Variants in SOX6 observed in about 807,000 individuals in gnomAD.
SOX6 encodes transcription factor SOX-6.
Under a neutral mutation model 97.8 loss-of-function variants are expected in SOX6, and 11 were observed. The observed-to-expected ratio is 0.11, with a 90% CI of 0.07 to 0.19. The LOEUF (loss-of-function observed/expected upper bound fraction) is 0.19, where lower values mean the gene tolerates loss of function less well. Ranked by LOEUF, SOX6 falls within the 10% of genes least tolerant of loss-of-function variation. The pLI, the probability that SOX6 is intolerant of heterozygous loss-of-function variation, is 1.00. For missense variants in SOX6, 810 were observed against 1,039.5 expected (o/e 0.78, Z 3.04); for synonymous variants, 360 against 371.4 (o/e 0.97, Z 0.35).
At chr11:16,077,059 A>T (rs1362604155) in intron 9 of SOX6, among the ~76,000 whole-genome samples, 1 of 152,126 alleles carries the variant, frequency 6.6e-6, no homozygotes, top group African/African-American at 2.4e-5. Flanking sequence ...GGCCGGTACT[A>T]CACATTTTTA....
In SOX6 at chr11:16,426,281, A is replaced by C. The variant is rs1452943880; in HGVS notation, c.-5+50034T>G. On this transcript the variant is annotated intron_variant, in intron 1 of 15. Coordinates refer to the SOX6 transcript ENST00000396356. ...AAAAAAAAAAAAAAAAAAAAAAAAA[A>C]AAAAAAAAAAAAAAACCACTATTTT... Among the ~76,000 whole-genome samples the C allele has an allele frequency of 2.0e-5, 3 of 147,934 alleles. No individual in the cohort carries two copies. The East Asian group carries it at 5.9e-4, about 29-fold the overall frequency.
intron 6 of SOX6, among the ~76,000 whole-genome samples, chr11:16,119,225 T>A (rs1401865038): frequency 6.6e-6 from 1 of 152,186 alleles, no homozygotes; most frequent in Non-Finnish European, 1.5e-5. Context: ...GTCTTCTTAT[T>A]GCCAAAAAGT....
At chr11:16,736,836 T>C (rs1427936940) in intron 1 of SOX6, among the ~76,000 whole-genome samples, 2 of 152,220 alleles carry the variant, frequency 1.3e-5, no homozygotes, top group African/African-American at 4.8e-5. Flanking sequence ...TGTTTCTTTT[T>C]TTTCTCTTGG....
In SOX6 at chr11:16,592,489, C is replaced by T; in HGVS notation, n.609+19592G>A. ...ATCAAACATATTTACTTTTAAGATGCACTAGTAATATACATATTACTTAAA... is the reference window on the plus strand; with the variant it reads ...ATCAAACATATTTACTTTTAAGATGTACTAGTAATATACATATTACTTAAA... On this transcript the variant is annotated intron_variant and non_coding_transcript_variant, in intron 4 of 5. Coordinates refer to the SOX6 transcript ENST00000524520. Among the ~76,000 whole-genome samples the T allele has an allele frequency of 1.3e-5, 2 of 151,652 alleles. 1 individual carries two copies. The highest frequency in any genetic ancestry group is 2.9e-5 in the Non-Finnish European group (2 of 67,902).
At chr11:16,426,012 T>G (rs1292516844) in intron 1 of SOX6, among the ~76,000 whole-genome samples, 2 of 151,410 alleles carry the variant, frequency 1.3e-5, no homozygotes, top group East Asian at 3.9e-4. Flanking sequence ...ATCCCAGCAC[T>G]TTGGGAGGCC....
At chr11:16,447,134 AATC>A (rs1859627667) in intron 1 of SOX6, among the ~76,000 whole-genome samples, 1 of 152,046 alleles carries the variant, frequency 6.6e-6, no homozygotes, top group African/African-American at 2.4e-5. Flanking sequence ...AATATGCAAC[AATC>A]ATCATTAAAA....
chr11:16,448,857 T>G (rs1000050804), intron 1 of SOX6, among the ~76,000 whole-genome samples: 2 of 152,068 alleles, frequency 1.3e-5, no homozygotes, highest in African/African-American at 4.8e-5. Flanking sequence ...CATAGTAAGA[T>G]CCTGTCTTTA....
chr11:16,527,894 C>A (rs1404976405), intron 4 of SOX6, among the ~76,000 whole-genome samples: 1 of 152,046 alleles, frequency 6.6e-6, no homozygotes, highest in Admixed American at 6.6e-5. Flanking sequence ...CAGCAAAGCT[C>A]CAAAACACAA....
intron 6 of SOX6, among the ~76,000 whole-genome samples, chr11:16,181,540 T>C (rs1454475770): frequency 7.0e-6 from 1 of 142,880 alleles, no homozygotes; most frequent in African/African-American, 2.6e-5. Flanking sequence ...TTTGAAAATA[T>C]AGTTACCCTT....
chr11:16,270,615 T>C (rs921210543), intron 3 of SOX6, among the ~76,000 whole-genome samples: 3 of 147,670 alleles, frequency 2.0e-5, no homozygotes, highest in African/African-American at 5.0e-5. Context: ...CATCAATAGA[T>C]GAATGAACAA....
At chr11:16,359,662 T>A (rs1401809395), upstream of SOX6, among the ~76,000 whole-genome samples, 2 of 152,098 alleles carry the variant, frequency 1.3e-5, no homozygotes, top group Non-Finnish European at 2.9e-5. Flanking sequence ...TTTAAGTCTC[T>A]ACAAATGCCA....
At chr11:16,598,008 A>G (rs2133976003) in intron 4 of SOX6, among the ~76,000 whole-genome samples, 1 of 152,206 alleles carries the variant, frequency 6.6e-6, no homozygotes, top group East Asian at 1.9e-4. Flanking sequence ...AACTTCCCAA[A>G]GATTACATAG....
chr11:16,675,495 T>C (rs1042460835), intron 3 of SOX6, among the ~76,000 whole-genome samples: 2 of 152,186 alleles, frequency 1.3e-5, no homozygotes, highest in Admixed American at 6.5e-5. Flanking sequence ...TTTAAAAGTT[T>C]AGAAAAAAGA....
At chr11:16,042,569 C>T (rs1432372520) in intron 12 of SOX6, among the ~76,000 whole-genome samples, 1 of 152,124 alleles carries the variant, frequency 6.6e-6, no homozygotes, top group Non-Finnish European at 1.5e-5. Context: ...AACTAGGAAT[C>T]AGGAAAGCTG....
chr11:16,220,003 C>G (rs1011629142), intron 4 of SOX6, among the ~76,000 whole-genome samples: 1 of 151,944 alleles, frequency 6.6e-6, no homozygotes, highest in Non-Finnish European at 1.5e-5. Flanking sequence ...TATGTTTATT[C>G]AAACATAAAA....
chr11:16,240,312 GT>G (rs1853149448), intron 3 of SOX6, among the ~76,000 whole-genome samples: 1 of 150,862 alleles, frequency 6.6e-6, no homozygotes, highest in Non-Finnish European at 1.5e-5. Context: ...GTGTGTGTGT[GT>G]GTGGCAGTGG....
At chr11:16,327,913 G>C (rs1034070927) in intron 2 of SOX6, among the ~76,000 whole-genome samples, 5 of 152,140 alleles carry the variant, frequency 3.3e-5, no homozygotes, top group Admixed American at 1.3e-4. Flanking sequence ...CAGTCTAACT[G>C]TAAGAACAGA....
At chr11:16,405,193 T>C (rs1048537270) in intron 1 of SOX6, among the ~76,000 whole-genome samples, 10 of 152,008 alleles carry the variant, frequency 6.6e-5, no homozygotes, top group African/African-American at 2.4e-4. Flanking sequence ...ACATGAGAAG[T>C]GCTTTTACCC....
In SOX6 at chr11:16,373,860, GAA is replaced by G. The variant is rs1422051644; in HGVS notation, c.-4-32610_-4-32609del. On this transcript the variant is annotated intron_variant, in intron 1 of 15. Transcript: ENST00000396356. The stretch of plus-strand genomic sequence containing the variant: ...GGAAGGAAGGAAGGAAGGAAGGAAG[GAA>G]GGAAGGAAGGAAGGAAGGAAGGAAG... Among the ~76,000 whole-genome samples the G allele has an allele frequency of 1.7e-3, 110 of 66,132 alleles. 1 individual carries two copies. Among genetic ancestry groups the G allele is most frequent in the Middle Eastern group, 4.7e-3 (1 of 214 alleles). 43.4% of individuals were successfully genotyped at this position (66,132 alleles called of 152,430 possible).
Sources: gnomAD v4.1 joint callset for allele counts (sites outside exome capture counted in the v4.1 genomes callset) on GRCh38, gnomAD v4.1.1 for gene constraint, MANE v1.5 for transcripts, NCBI Gene and HGNC (gene_info 2026-07-23, HGNC 2026-07-21) for gene names.